Variants in TTYH3 observed in about 807,000 individuals in gnomAD.
The protein encoded by TTYH3 is tweety family member 3, also known as protein tweety homolog 3.
Under a neutral mutation model 68.2 loss-of-function variants are expected in TTYH3, and 23 were observed. The ratio of observed to expected loss-of-function variants is 0.34; its 90% CI spans 0.24 to 0.48. The LOEUF (loss-of-function observed/expected upper bound fraction) is 0.48. Ranked by LOEUF, TTYH3 falls within the 20% of genes least tolerant of loss-of-function variation. The pLI is 0.99. For synonymous variants in TTYH3, 360 were observed against 332.8 expected (o/e 1.08, Z -0.89); for missense variants, 768 against 727.7 (o/e 1.06, Z -0.64).
At chr7:2,648,952 G>A (rs1025500580) in intron 5 of TTYH3, among the ~76,000 whole-genome samples, 1 of 151,562 alleles carries the variant, frequency 6.6e-6, no homozygotes, top group Non-Finnish European at 1.5e-5. Context: ...CCGCAGTGGG[G>A]TGTGGGGCCC....
chr7:2,632,389 C>T, intron 1 of TTYH3, 111 bp downstream of exon 1: 3 of 1,179,512 alleles, frequency 2.5e-6, no homozygotes, highest in Admixed American at 6.4e-5. Flanking sequence ...TCATCCCCCC[C>T]TCCAGGGTCA....
At chr7:2,638,513 G>A (rs34950650) in intron 1 of TTYH3, among the ~76,000 whole-genome samples, 26,185 of 152,078 alleles carry the variant, frequency 0.17, 2,564 homozygotes, top group Non-Finnish European at 0.22. Context: ...GGAGGGTGAG[G>A]GCCAGCCCGG....
chr7:2,651,569 C>A (rs886495253), intron 7 of TTYH3, among the ~76,000 whole-genome samples: 3 of 152,178 alleles, frequency 2.0e-5, no homozygotes, highest in Admixed American at 2.0e-4. Context: ...AGCAGCGCCC[C>A]CTACACGTGT....
rs374889864 is a variant in TTYH3 at position 2,644,762 on chromosome 7, G to A, written c.124-2091G>A. 3.5e-4 allele frequency among the ~76,000 whole-genome samples: 54 copies of A among 152,322 alleles called. No individual in the cohort carries two copies. In the East Asian group the frequency reaches 7.9e-3, roughly 22 times the overall value. On this transcript the variant is annotated intron_variant, in intron 1 of 13. Transcript: ENST00000258796. ...GGACCATGGCGGCTCATTTCTGGGT[G>A]TGCCGGGCTGGTCAGCACCTCCCTG...
At chr7:2,652,085 A>C in intron 7 of TTYH3, 102 bp from the exon 8 acceptor site, 1 of 969,554 alleles carries the variant, frequency 1.0e-6, no homozygotes, top group South Asian at 1.3e-5. Flanking sequence ...GTAAACATGC[A>C]CGCAGATGCC....
At chr7:2,649,168 C>T (rs1010134016) in intron 5 of TTYH3, among the ~76,000 whole-genome samples, 1 of 152,052 alleles carries the variant, frequency 6.6e-6, no homozygotes, top group Admixed American at 6.6e-5. Flanking sequence ...AGTTGCTGAG[C>T]GAGGGTTCAG....
At chr7:2,640,775 C>T (rs1322258412) in intron 1 of TTYH3, among the ~76,000 whole-genome samples, 2 of 107,136 alleles carry the variant, frequency 1.9e-5, no homozygotes, top group African/African-American at 9.7e-5. Flanking sequence ...TCGTGCACGT[C>T]GTCTGCTCAA....
rs1478661545 is a variant in TTYH3, at chr7:2,632,135, C to T, written c.-21C>T. On this transcript the variant is annotated 5_prime_UTR_variant, in exon 1 of 14. Coordinates refer to ENST00000258796, the MANE Select transcript of TTYH3 (RefSeq NM_025250.3). Reference sequence around the variant, plus strand: ...GAGCCCCGCGCAGGCCGCGCGCATCCGGAGGCGGCCGGGCCCCGCCATGGC... The same window carrying T: ...GAGCCCCGCGCAGGCCGCGCGCATCTGGAGGCGGCCGGGCCCCGCCATGGC... 2 of 1,385,672 alleles carry T rather than the reference C, an allele frequency of 1.4e-6. No homozygotes were observed. The highest frequency in any genetic ancestry group is 9.4e-7 in the Non-Finnish European group (1 of 1,059,806). 85.8% of individuals were successfully genotyped at this position (1,385,672 alleles called of 1,614,324 possible).
intron 13 of TTYH3, chr7:2,659,888 A>ACT: frequency 7.8e-7 from 1 of 1,274,268 alleles, no homozygotes; most frequent in Non-Finnish European, 1.0e-6. Flanking sequence ...CGTTGAGGCC[A>ACT]CACTCTCTCT....
At chr7:2,635,317 G>A (rs1314573262) in intron 1 of TTYH3, among the ~76,000 whole-genome samples, 1 of 152,208 alleles carries the variant, frequency 6.6e-6, no homozygotes, top group Admixed American at 6.5e-5. Flanking sequence ...TCGCAGGCCT[G>A]CACCCTCGCT....
chr7:2,644,987 G>A (rs1198805329), intron 1 of TTYH3, among the ~76,000 whole-genome samples: 1 of 152,240 alleles, frequency 6.6e-6, no homozygotes, highest in Non-Finnish European at 1.5e-5. Context: ...CCCAAGGCTG[G>A]GGTCCCAAGA....
chr7:2,636,429 C>A (rs936613871), intron 1 of TTYH3, among the ~76,000 whole-genome samples: 3 of 152,190 alleles, frequency 2.0e-5, no homozygotes, highest in Non-Finnish European at 4.4e-5. Flanking sequence ...TCCCTGAGAA[C>A]TGGAATCCTA....
chr7:2,660,143 C>T (rs1219637627), intron 13 of TTYH3: 2 of 1,207,238 alleles, frequency 1.7e-6, no homozygotes, highest in Non-Finnish European at 2.1e-6. Flanking sequence ...AGCTGGGGCT[C>T]CATCTGTCCG....
rs764655068 is a variant in TTYH3 at position 2,648,028 on chromosome 7, C to T, written c.696C>T (p.Ile232=). ...GCCTCCTGGTGCTGGTTGGCCTCAT[C>T]CGCAGCTCCAAGGGCATCCTGGTGG... ...IICLLVLVGL[I]RSSKGILVGV... The change falls in exon 5 of 14, where the codon ATC becomes ATT. Residue 232 remains isoleucine (I), a synonymous_variant. Transcript: ENST00000258796. The T allele has an allele frequency of 1.6e-5, 25 of 1,610,574 alleles. No individual in the cohort carries two copies. Among genetic ancestry groups the T allele is most frequent in the Non-Finnish European group, 2.1e-5 (25 of 1,179,876 alleles).
chr7:2,639,811 C>T (rs1432705780), intron 1 of TTYH3, among the ~76,000 whole-genome samples: 1 of 152,216 alleles, frequency 6.6e-6, no homozygotes, highest in African/African-American at 2.4e-5. Context: ...GTGTCACTTC[C>T]ACACGGAGCT....
At chr7:2,649,039 A>G (rs1311837561) in intron 5 of TTYH3, among the ~76,000 whole-genome samples, 1 of 148,726 alleles carries the variant, frequency 6.7e-6, no homozygotes, top group Non-Finnish European at 1.5e-5. Context: ...TGGTGGGGGC[A>G]CCTGCAGTGG....
intron 2 of TTYH3, 47 bp from the exon 3 acceptor site, chr7:2,647,095 T>C (rs757074576): frequency 3.3e-6 from 5 of 1,493,714 alleles, no homozygotes; most frequent in African/African-American, 3.0e-5. Context: ...TGGAGTGGGG[T>C]GTGTGTGGGT....
chr7:2,651,114 G>T (rs1398764563), intron 7 of TTYH3, among the ~76,000 whole-genome samples: 1 of 152,090 alleles, frequency 6.6e-6, no homozygotes, highest in Admixed American at 6.5e-5. Flanking sequence ...GCAGGTGGAC[G>T]TGGGAATCTG....
intron 8 of TTYH3, 34 bp downstream of exon 8, chr7:2,652,276 G>T (rs1253755741): frequency 1.3e-6 from 2 of 1,597,156 alleles, no homozygotes; most frequent in Non-Finnish European, 1.7e-6. Flanking sequence ...TGGGCTTCAG[G>T]AGAGTCTGAA....
Sources: gnomAD v4.1 joint callset for allele counts (sites outside exome capture counted in the v4.1 genomes callset) on GRCh38, gnomAD v4.1.1 for gene constraint, MANE v1.5 for transcripts, NCBI Gene and HGNC (gene_info 2026-07-23, HGNC 2026-07-21) for gene names.